The following GTF2F2 variants were observed in gnomAD, a reference collection of about 807,000 sequenced individuals.
GTF2F2 encodes the protein general transcription factor IIF subunit 2.
GTF2F2 carries 23 observed loss-of-function variants against 42.2 expected under a neutral mutation model. The observed-to-expected ratio is 0.55, with a 90% CI of 0.39 to 0.77. The LOEUF (loss-of-function observed/expected upper bound fraction) is 0.77, where lower values mean the gene tolerates loss of function less well. GTF2F2 is among the 30% of genes least tolerant of loss of function. The pLI, the probability that GTF2F2 is intolerant of heterozygous loss-of-function variation, is 0.00. For missense variants in GTF2F2, 261 were observed against 287.2 expected, an observed-to-expected ratio of 0.91 and a Z score of 0.66; for synonymous variants, 105 against 100.8, an observed-to-expected ratio of 1.04 and a Z score of -0.25.
intron 7 of GTF2F2, among the ~76,000 whole-genome samples, chr13:45,278,382 T>C (rs138275858): frequency 6.6e-6 from 1 of 152,348 alleles, no homozygotes; most frequent in East Asian, 1.9e-4. Context: ...CTATCCCTTA[T>C]TTCTCTGCAT....
intron 4 of GTF2F2, among the ~76,000 whole-genome samples, chr13:45,168,342 C>T (rs890488695): frequency 7.2e-5 from 11 of 152,236 alleles, no homozygotes; most frequent in South Asian, 2.1e-4. Flanking sequence ...GCCAACTACT[C>T]TGCCTGCCTG....
At chr13:45,208,342 C>T (rs1336543937) in intron 5 of GTF2F2, among the ~76,000 whole-genome samples, 2 of 152,038 alleles carry the variant, frequency 1.3e-5, no homozygotes, top group Non-Finnish European at 1.5e-5. Context: ...AATTTTATGA[C>T]GTTCAAAGAG....
chr13:45,149,465 G>A (rs191030085), intron 2 of GTF2F2, among the ~76,000 whole-genome samples: 5 of 148,916 alleles, frequency 3.4e-5, no homozygotes, highest in Non-Finnish European at 5.9e-5. Flanking sequence ...AAAAGAAAAT[G>A]TAAAAAAGAA....
At chr13:45,174,644 T>C (rs983350388) in intron 4 of GTF2F2, among the ~76,000 whole-genome samples, 2 of 149,650 alleles carry the variant, frequency 1.3e-5, no homozygotes, top group East Asian at 1.9e-4. Flanking sequence ...CTTTTTTTTT[T>C]TTTTTTTTTT....
chr13:45,180,380 C>T (rs1004211723), intron 4 of GTF2F2, among the ~76,000 whole-genome samples: 3 of 152,096 alleles, frequency 2.0e-5, no homozygotes, highest in African/African-American at 2.4e-5. Flanking sequence ...ATACTATAGA[C>T]TCATGCGTAT....
At chr13:45,167,634 G>A (rs998882580) in intron 4 of GTF2F2, among the ~76,000 whole-genome samples, 3 of 151,958 alleles carry the variant, frequency 2.0e-5, no homozygotes, top group Non-Finnish European at 2.9e-5. Context: ...TCTTGACGTC[G>A]TGATCTGCCC....
intron 5 of GTF2F2, among the ~76,000 whole-genome samples, chr13:45,207,829 G>A (rs550741702): frequency 3.6e-4 from 55 of 151,844 alleles, no homozygotes; most frequent in Admixed American, 5.9e-4. Flanking sequence ...ATTTTCCAGG[G>A]CTGTAATTTT....
intron 1 of GTF2F2, among the ~76,000 whole-genome samples, chr13:45,134,600 AAGG>A (rs1869521663): frequency 6.6e-6 from 1 of 152,144 alleles, no homozygotes; most frequent in Non-Finnish European, 1.5e-5. Context: ...CAGTCATCGT[AAGG>A]AGTTTGCCAA....
chr13:45,194,260 C>A (rs1391621865), intron 4 of GTF2F2: 1 of 1,614,006 alleles, frequency 6.2e-7, no homozygotes, highest in Non-Finnish European at 8.5e-7. Flanking sequence ...TTCTCGAAAC[C>A]CTTCGGGCAA....
chr13:45,243,914 G>C (rs1875452149), intron 5 of GTF2F2, among the ~76,000 whole-genome samples: 1 of 152,170 alleles, frequency 6.6e-6, no homozygotes, highest in South Asian at 2.1e-4. Flanking sequence ...ACCCACCTTG[G>C]CCTCCCAAAG....
intron 1 of GTF2F2, among the ~76,000 whole-genome samples, chr13:45,129,899 G>A (rs1016910425): frequency 1.3e-5 from 2 of 152,250 alleles, no homozygotes; most frequent in African/African-American, 2.4e-5. Context: ...CTGATAAGAT[G>A]GTCTTTAAGC....
chr13:45,261,294 C>A (rs1876331498), intron 6 of GTF2F2, among the ~76,000 whole-genome samples: 2 of 151,686 alleles, frequency 1.3e-5, no homozygotes, highest in Non-Finnish European at 2.9e-5. Context: ...GGTGTGGTGG[C>A]ACGCGCCTGT....
At chr13:45,235,183 T>C (rs1281422408) in intron 5 of GTF2F2, among the ~76,000 whole-genome samples, 2 of 151,926 alleles carry the variant, frequency 1.3e-5, no homozygotes, top group Non-Finnish European at 2.9e-5. Context: ...TATGGTAAAC[T>C]TATAAATATT....
At chr13:45,229,612 GAAGAAAAAAGGTAGGAA>G (rs1874566110) in intron 5 of GTF2F2, among the ~76,000 whole-genome samples, 1 of 152,048 alleles carries the variant, frequency 6.6e-6, no homozygotes, top group African/African-American at 2.4e-5. Context: ...AATCCAGTGT[GAAGAAAAAAGGTAGGAA>G]AAGAAAAGAG....
At chr13:45,153,278 G>A (rs942551653) in intron 4 of GTF2F2, among the ~76,000 whole-genome samples, 6 of 151,708 alleles carry the variant, frequency 4.0e-5, no homozygotes, top group Non-Finnish European at 7.4e-5. Flanking sequence ...TCGGCCTCCC[G>A]GAGTGCTGGG....
intron 4 of GTF2F2, among the ~76,000 whole-genome samples, chr13:45,165,565 T>TC (rs1224364842): frequency 2.3e-4 from 31 of 137,766 alleles, no homozygotes; most frequent in African/African-American, 9.6e-4. Flanking sequence ...TCCACTGCCC[T>TC]CGCCCCCCCC....
chr13:45,143,410 G>A (rs1870029643), intron 2 of GTF2F2, among the ~76,000 whole-genome samples: 1 of 152,210 alleles, frequency 6.6e-6, no homozygotes, highest in African/African-American at 2.4e-5. Context: ...CTAGCTATGT[G>A]ACTTTGCGTA....
intron 5 of GTF2F2, among the ~76,000 whole-genome samples, chr13:45,213,021 C>T (rs771954843): frequency 4.6e-5 from 7 of 151,964 alleles, no homozygotes; most frequent in East Asian, 1.9e-4. Context: ...GGGTTACAGG[C>T]GTGAGCCACC....
intron 5 of GTF2F2, among the ~76,000 whole-genome samples, chr13:45,233,687 G>C (rs1003151798): frequency 6.6e-6 from 1 of 152,180 alleles, no homozygotes; most frequent in African/African-American, 2.4e-5. Context: ...GCCAAGGCAG[G>C]AGGATCCCTT....
Sources: allele counts gnomAD v4.1 joint callset (sites outside exome capture counted in the v4.1 genomes callset), GRCh38; gene constraint gnomAD v4.1.1; transcripts MANE v1.5; gene names NCBI Gene and HGNC (gene_info 2026-07-23, HGNC 2026-07-21).